Variants in TLK2 observed in about 807,000 individuals in gnomAD.
TLK2 encodes serine/threonine-protein kinase tousled-like 2.
Under a neutral mutation model 117.3 loss-of-function variants are expected in TLK2, and 6 were observed. The ratio of observed to expected loss-of-function variants is 0.05; its 90% confidence interval spans 0.03 to 0.10. The LOEUF (loss-of-function observed/expected upper bound fraction) is 0.10. Among genes scored for constraint, TLK2 ranks in the 10% least tolerant of loss-of-function variants. The pLI, the probability that TLK2 is intolerant of heterozygous loss-of-function variation, is 1.00. For synonymous variants in TLK2, 257 were observed against 316.7 expected (o/e 0.81, Z 2.00); for missense variants, 299 against 901.2 (o/e 0.33, Z 8.56).
At chr17:62,549,398 CA>C (rs777779302) in intron 7 of TLK2, among the ~76,000 whole-genome samples, 2 of 37,094 alleles carry the variant, frequency 5.4e-5, no homozygotes, top group African/African-American at 2.1e-4. Context: ...GACTCCATCT[CA>C]AAAAAAAAAA....
chr17:62,485,036 A>G (rs1467905097), intron 2 of TLK2, among the ~76,000 whole-genome samples: 1 of 152,178 alleles, frequency 6.6e-6, no homozygotes, highest in Admixed American at 6.5e-5. Flanking sequence ...GTCTCAAAAA[A>G]CAAAACAAAA....
At chr17:62,478,741 C>T (rs2071227323), upstream of TLK2, among the ~76,000 whole-genome samples, 2 of 29,278 alleles carry the variant, frequency 6.8e-5, no homozygotes, top group Non-Finnish European at 2.5e-4. Flanking sequence ...GCGCTTCCCC[C>T]ACCCCCCCAG....
intron 2 of TLK2, among the ~76,000 whole-genome samples, chr17:62,509,810 T>C (rs1426665939): frequency 6.6e-6 from 1 of 152,188 alleles, no homozygotes; most frequent in Non-Finnish European, 1.5e-5. Flanking sequence ...CCTCTTGCCC[T>C]TCTGCCTTCT....
At chr17:62,583,931 A>G (rs1386036483) in intron 15 of TLK2, among the ~76,000 whole-genome samples, 1 of 151,800 alleles carries the variant, frequency 6.6e-6, no homozygotes, top group African/African-American at 2.4e-5. Context: ...TGTGCATTTA[A>G]TGTAGTTTTT....
intron 4 of TLK2, among the ~76,000 whole-genome samples, chr17:62,522,646 C>T (rs2076122740): frequency 6.6e-6 from 1 of 152,176 alleles, no homozygotes; most frequent in South Asian, 2.1e-4. Flanking sequence ...ACATTACTGT[C>T]CTTTCTGCCT....
At chr17:62,552,461 G>C in intron 8 of TLK2, 64 bp downstream of exon 8, 2 of 1,606,880 alleles carry the variant, frequency 1.2e-6, no homozygotes, top group South Asian at 1.1e-5. Context: ...GGGCTAACCT[G>C]TGTAGTCTGT....
intron 16 of TLK2, among the ~76,000 whole-genome samples, chr17:62,593,983 C>T (rs2082271569): frequency 6.6e-6 from 1 of 151,432 alleles, no homozygotes; most frequent in Non-Finnish European, 1.5e-5. Context: ...AGTAGAGACG[C>T]AGTTTCTCCA....
intron 11 of TLK2, among the ~76,000 whole-genome samples, chr17:62,572,400 G>A (rs2080380543): frequency 6.6e-6 from 1 of 151,652 alleles, no homozygotes; most frequent in Non-Finnish European, 1.5e-5. Flanking sequence ...TAGGTGGTAG[G>A]ATACATGAGA....
chr17:62,473,972 T>C (rs2070989844), upstream of TLK2, among the ~76,000 whole-genome samples: 1 of 152,188 alleles, frequency 6.6e-6, no homozygotes, highest in African/African-American at 2.4e-5. Context: ...CTCAGCTCAC[T>C]GCAACCTCCA....
At chr17:62,599,921 T>A (rs770068637) in intron 17 of TLK2, among the ~76,000 whole-genome samples, 1 of 152,200 alleles carries the variant, frequency 6.6e-6, no homozygotes, top group Non-Finnish European at 1.5e-5. Context: ...ATGCCACCAA[T>A]GGCATATGGT....
chr17:62,506,754 G>T (rs1342480807), intron 2 of TLK2, among the ~76,000 whole-genome samples: 1 of 151,966 alleles, frequency 6.6e-6, no homozygotes, highest in Non-Finnish European at 1.5e-5. Context: ...TTTAAATATT[G>T]AATTTGTTCT....
intron 2 of TLK2, among the ~76,000 whole-genome samples, chr17:62,504,406 T>A (rs2160889): frequency 6.6e-6 from 1 of 152,214 alleles, no homozygotes; most frequent in Admixed American, 6.5e-5. Flanking sequence ...GATTTAGTCC[T>A]ACACCTATTT....
intron 2 of TLK2, among the ~76,000 whole-genome samples, chr17:62,497,815 C>A (rs924938633): frequency 6.6e-6 from 1 of 152,174 alleles, no homozygotes; most frequent in Non-Finnish European, 1.5e-5. Context: ...CTACTTCAGC[C>A]TCCTGAGTAG....
chr17:62,476,652 G>A (rs1470756707), upstream of TLK2, among the ~76,000 whole-genome samples: 3 of 152,074 alleles, frequency 2.0e-5, no homozygotes, highest in Non-Finnish European at 4.4e-5. Context: ...AGAAGCAGTT[G>A]GAGAAGTTTG....
chr17:62,496,670 T>C (rs1362950249), intron 2 of TLK2, among the ~76,000 whole-genome samples: 1 of 152,002 alleles, frequency 6.6e-6, no homozygotes, highest in Non-Finnish European at 1.5e-5. Context: ...AAAAAGTTCT[T>C]TGGGGCTGGG....
intron 2 of TLK2, among the ~76,000 whole-genome samples, chr17:62,504,275 C>G (rs2074474284): frequency 6.6e-6 from 1 of 152,140 alleles, no homozygotes; most frequent in African/African-American, 2.4e-5. Context: ...ACATATAGTA[C>G]TGTTTTATTT....
intron 6 of TLK2, 29 bp from the exon 7 acceptor site, chr17:62,536,141 C>A: frequency 6.2e-7 from 1 of 1,600,258 alleles, no homozygotes; most frequent in Non-Finnish European, 8.5e-7. Context: ...TTTCTCATGT[C>A]ATTTGTGTGT....
intron 2 of TLK2, among the ~76,000 whole-genome samples, chr17:62,514,148 A>C (rs548546381): frequency 6.9e-6 from 1 of 144,812 alleles, no homozygotes; most frequent in African/African-American, 2.5e-5. Flanking sequence ...ATAAATAATA[A>C]TTTTTTTTTT....
intron 7 of TLK2, chr17:62,550,931 G>C (rs1294553356): frequency 1.3e-5 from 2 of 152,400 alleles, no homozygotes; most frequent in Non-Finnish European, 2.9e-5. Context: ...CAATTCTCCT[G>C]CCTCAGCCTC....
Sources: gnomAD v4.1 joint callset for allele counts (sites outside exome capture counted in the v4.1 genomes callset) on GRCh38, gnomAD v4.1.1 for gene constraint, MANE v1.5 for transcripts, NCBI Gene and HGNC (gene_info 2026-07-23, HGNC 2026-07-21) for gene names.